Variants in ZNF385D observed in about 807,000 individuals in gnomAD.
ZNF385D encodes zinc finger protein 385D.
Under a neutral mutation model 35.8 loss-of-function variants are expected in ZNF385D, and 15 were observed. The ratio of observed to expected loss-of-function variants is 0.42; its 90% CI spans 0.28 to 0.64. The LOEUF (loss-of-function observed/expected upper bound fraction) is 0.64, where lower values mean the gene tolerates loss of function less well. Among genes scored for constraint, ZNF385D ranks in the 30% least tolerant of loss-of-function variants. The probability of loss-of-function intolerance (pLI) is 0.23; values close to 1 mark genes in which losing one functional copy is unlikely to be tolerated. For synonymous variants in ZNF385D, 212 were observed against 186.8 expected (o/e 1.13, Z -1.10); for missense variants, 474 against 494.6 (o/e 0.96, Z 0.39).
chr3:21,835,001 G>T (rs900690706), intron 3 of ZNF385D, among the ~76,000 whole-genome samples: 2 of 152,076 alleles, frequency 1.3e-5, no homozygotes, highest in African/African-American at 4.8e-5. Flanking sequence ...CTTTATAACA[G>T]TGTGGAAATT....
At chr3:22,100,795 G>A (rs1296886429) in intron 3 of ZNF385D, among the ~76,000 whole-genome samples, 2 of 151,396 alleles carry the variant, frequency 1.3e-5, no homozygotes, top group East Asian at 1.9e-4. Flanking sequence ...TAACTAACCT[G>A]CACATTGTGC....
chr3:22,221,841 A>C (rs561537975), intron 2 of ZNF385D, among the ~76,000 whole-genome samples: 1 of 152,248 alleles, frequency 6.6e-6, no homozygotes, highest in South Asian at 2.1e-4. Context: ...ATTCATCAAA[A>C]CCTCTAACAT....
intron 1 of ZNF385D, among the ~76,000 whole-genome samples, chr3:21,670,826 G>C (rs1376849839): frequency 6.6e-6 from 1 of 151,528 alleles, no homozygotes; most frequent in African/African-American, 2.4e-5. Flanking sequence ...GGGCTAACCA[G>C]AAACTAGCCC....
chr3:21,776,062 A>G (rs13078504), intron 3 of ZNF385D, among the ~76,000 whole-genome samples: 13,092 of 151,684 alleles, frequency 0.086, 867 homozygotes, highest in East Asian at 0.33. Flanking sequence ...TTTTTTGTAT[A>G]TTATACAATC....
At chr3:22,219,409 G>C (rs1376515574) in intron 2 of ZNF385D, among the ~76,000 whole-genome samples, 2 of 152,038 alleles carry the variant, frequency 1.3e-5, no homozygotes, top group African/African-American at 4.8e-5. Flanking sequence ...ATCCACACTT[G>C]AGTTAATCAC....
At chr3:21,589,262 G>C (rs1013866604) in intron 2 of ZNF385D, among the ~76,000 whole-genome samples, 32 of 152,308 alleles carry the variant, frequency 2.1e-4, no homozygotes, top group African/African-American at 6.5e-4. Context: ...AGCACTTCAG[G>C]CAAAGGCCCA....
At chr3:21,939,004 T>C (rs1338155340) in intron 3 of ZNF385D, among the ~76,000 whole-genome samples, 2 of 152,196 alleles carry the variant, frequency 1.3e-5, no homozygotes, top group East Asian at 3.8e-4. Flanking sequence ...TATCTGGAAT[T>C]TGGTTGCTAG....
chr3:21,767,042 TTAAA>T (rs1394664553), intron 3 of ZNF385D, among the ~76,000 whole-genome samples: 1 of 152,166 alleles, frequency 6.6e-6, no homozygotes, highest in Non-Finnish European at 1.5e-5. Flanking sequence ...TGAAAAGTGG[TTAAA>T]TAATGTGCGT....
intron 2 of ZNF385D, among the ~76,000 whole-genome samples, chr3:22,249,174 T>G (rs1699940365): frequency 6.6e-6 from 1 of 152,138 alleles, no homozygotes; most frequent in South Asian, 2.1e-4. Context: ...CATACCTGAA[T>G]AGTTAATTCT....
intron 4 of ZNF385D, among the ~76,000 whole-genome samples, chr3:21,506,363 A>G (rs1214025380): frequency 6.6e-6 from 1 of 152,196 alleles, no homozygotes; most frequent in Non-Finnish European, 1.5e-5. Context: ...ATAATTAGAT[A>G]TTGCAAAAGC....
rs959308767 is a variant in ZNF385D at position 21,454,130 on chromosome 3, G to A, written c.440-16927C>T. On this transcript the variant is annotated intron_variant, in intron 4 of 7. Transcript: ENST00000281523. ...ACACGTTGTATGATTCCATTTATAC[G>A]AAACATCCAGAATAAGAACATTCAT... Among the ~76,000 whole-genome samples, 4 of 152,072 alleles carry A rather than the reference G, an allele frequency of 2.6e-5. No homozygotes were observed. In the East Asian group the frequency reaches 7.7e-4, roughly 29 times the overall value.
intron 1 of ZNF385D, among the ~76,000 whole-genome samples, chr3:21,697,557 G>T (rs1010204414): frequency 6.6e-6 from 1 of 151,980 alleles, no homozygotes; most frequent in African/African-American, 2.4e-5. Flanking sequence ...TGGTCCATTT[G>T]TAACTAAGTA....
chr3:22,337,862 G>A (rs1453711094), intron 2 of ZNF385D, among the ~76,000 whole-genome samples: 5 of 152,220 alleles, frequency 3.3e-5, no homozygotes. Context: ...TTCCCATACA[G>A]TTTTCATGAC....
intron 3 of ZNF385D, among the ~76,000 whole-genome samples, chr3:21,551,575 T>C (rs2062570295): frequency 6.6e-6 from 1 of 152,210 alleles, no homozygotes; most frequent in Admixed American, 6.5e-5. Flanking sequence ...TTACATCTTG[T>C]TGGCCCTCAT....
chr3:21,623,606 G>A (rs988651624), intron 2 of ZNF385D, among the ~76,000 whole-genome samples: 4 of 152,040 alleles, frequency 2.6e-5, no homozygotes, highest in African/African-American at 9.7e-5. Flanking sequence ...CCCACAATGA[G>A]CTATGATCTC....
At chr3:22,070,166 A>AG (rs1700159713) in intron 3 of ZNF385D, among the ~76,000 whole-genome samples, 1 of 152,162 alleles carries the variant, frequency 6.6e-6, no homozygotes, top group Non-Finnish European at 1.5e-5. Context: ...CTTATTTTCT[A>AG]ACAACAAGCA....
intron 3 of ZNF385D, among the ~76,000 whole-genome samples, chr3:21,922,331 G>T (rs1700509039): frequency 6.6e-6 from 1 of 151,958 alleles, no homozygotes; most frequent in African/African-American, 2.4e-5. Context: ...AACAGAAAAA[G>T]CACTCATAAG....
chr3:22,339,072 T>C (rs1460442728), intron 2 of ZNF385D, among the ~76,000 whole-genome samples: 1 of 152,180 alleles, frequency 6.6e-6, no homozygotes, highest in African/African-American at 2.4e-5. Context: ...AGGCACATTA[T>C]AAATGTGTGT....
intron 3 of ZNF385D, among the ~76,000 whole-genome samples, chr3:21,878,783 G>GC (rs1443015468): frequency 6.6e-6 from 1 of 152,032 alleles, no homozygotes; most frequent in Non-Finnish European, 1.5e-5. Context: ...AACACGACAT[G>GC]CCTGTCATAT....
Sources: gnomAD v4.1 joint callset for allele counts (sites outside exome capture counted in the v4.1 genomes callset) on GRCh38, gnomAD v4.1.1 for gene constraint, MANE v1.5 for transcripts, NCBI Gene and HGNC (gene_info 2026-07-23, HGNC 2026-07-21) for gene names.